The following MBNL3 variants were observed in gnomAD, a reference collection of about 807,000 sequenced individuals.
The protein encoded by MBNL3 is muscleblind like splicing regulator 3.
Under a neutral mutation model 24.5 loss-of-function variants are expected in MBNL3, and 6 were observed. The ratio of observed to expected loss-of-function variants is 0.25; its 90% CI spans 0.13 to 0.48. MBNL3 has a LOEUF of 0.48. MBNL3 is among the 20% of genes least tolerant of loss of function. MBNL3 has a pLI of 0.99. For missense variants in MBNL3, 230 were observed against 293.5 expected (o/e 0.78, Z 1.58); for synonymous variants, 100 against 101.7 (o/e 0.98, Z 0.10).
intron 3 of MBNL3, among the ~76,000 whole-genome samples, chrX:132,393,054 G>A (rs781561092): frequency 9.0e-6 from 1 of 111,079 alleles, no homozygotes; most frequent in Non-Finnish European, 1.9e-5. Context: ...TTTTGATACA[G>A]GCATACTGTG....
intron 2 of MBNL3, among the ~76,000 whole-genome samples, chrX:132,415,272 T>C (rs1316811019): frequency 8.9e-6 from 1 of 112,217 alleles, no homozygotes; most frequent in Non-Finnish European, 1.9e-5. Flanking sequence ...CCTTAAACCT[T>C]GGGGTTTCCA....
chrX:132,419,334 G>C (rs146495349), intron 2 of MBNL3, among the ~76,000 whole-genome samples: 16 of 111,568 alleles, frequency 1.4e-4, no homozygotes, highest in African/African-American at 5.2e-4. Context: ...CTCAACAAAA[G>C]AGGTGGTCTG....
intron 1 of MBNL3, among the ~76,000 whole-genome samples, chrX:132,456,945 C>T (rs758131219): frequency 1.4e-4 from 16 of 111,638 alleles, no homozygotes; most frequent in Admixed American, 1.4e-3. Context: ...ATCTGGCAAC[C>T]AGCTGGCAGA....
Position 132,379,370 on chromosome X carries a change from A to C in MBNL3, c.*296T>G. The C allele has an allele frequency of 1.2e-5, 3 of 249,250 alleles. No homozygotes were observed. Among genetic ancestry groups the C allele is most frequent in the Non-Finnish European group, 2.2e-5 (3 of 138,240 alleles). 20.5% of individuals were successfully genotyped at this position (249,250 alleles called of 1,213,427 possible). On this transcript the variant is annotated 3_prime_UTR_variant, in exon 9 of 9. Transcript: ENST00000370853. The stretch of plus-strand genomic sequence containing the variant: ...AAATACACTTAGCATGGTTATTAGA[A>C]AATCACAAAGAGTAATGTAACAAGT...
intron 1 of MBNL3, among the ~76,000 whole-genome samples, chrX:132,480,619 C>T (rs1947679849): frequency 1.8e-5 from 2 of 111,740 alleles, no homozygotes; most frequent in Non-Finnish European, 3.8e-5. Context: ...GATGAGGAGG[C>T]ACCACATCCA....
chrX:132,458,412 T>G (rs1280312225), intron 1 of MBNL3, among the ~76,000 whole-genome samples: 2 of 110,538 alleles, frequency 1.8e-5, no homozygotes, highest in African/African-American at 6.6e-5. Flanking sequence ...TAAAGGAATA[T>G]CTGAGACTGG....
intron 1 of MBNL3, among the ~76,000 whole-genome samples, chrX:132,483,997 T>A (rs1947877130): frequency 8.9e-6 from 1 of 112,049 alleles, no homozygotes; most frequent in South Asian, 3.7e-4. Flanking sequence ...TTTTTTAAAT[T>A]TTTAATCTGG....
intron 7 of MBNL3, among the ~76,000 whole-genome samples, chrX:132,382,919 G>A (rs1004196157): frequency 8.9e-6 from 1 of 112,023 alleles, no homozygotes; most frequent in African/African-American, 3.2e-5. Flanking sequence ...GGGAAACTTT[G>A]GCCATTTATC....
intron 3 of MBNL3, among the ~76,000 whole-genome samples, chrX:132,396,200 G>C (rs777369755): frequency 8.5e-4 from 90 of 105,614 alleles, no homozygotes; most frequent in African/African-American, 3.0e-3. Context: ...TTTGCATCTT[G>C]AACCTCACAG....
intron 1 of MBNL3, among the ~76,000 whole-genome samples, chrX:132,484,933 G>GCACACACA (rs3044539): frequency 1.1e-4 from 11 of 102,591 alleles, no homozygotes; most frequent in Non-Finnish European, 4.0e-5. Context: ...ATACACACGC[G>GCACACACA]CACACACACA....
At chrX:132,434,461 T>C (rs1226659592) in intron 2 of MBNL3, among the ~76,000 whole-genome samples, 1 of 112,340 alleles carries the variant, frequency 8.9e-6, no homozygotes, top group Non-Finnish European at 1.9e-5. Context: ...GGGACATAGT[T>C]ATCAGTTTTT....
At chrX:132,425,490 C>A (rs1426693350) in intron 2 of MBNL3, among the ~76,000 whole-genome samples, 1 of 111,617 alleles carries the variant, frequency 9.0e-6, no homozygotes, top group Non-Finnish European at 1.9e-5. Context: ...TATTATATTT[C>A]TTTGTCTTTC....
At position 132,371,312 on chromosome X, in the gene MBNL3, T is replaced by C. The variant is rs1171385186; in HGVS notation, c.*8354A>G. Reference sequence around the variant, plus strand: ...CTGATCTAAACTCTCTTCACCGCAGTTTTCTATCAGCCCAACTCCAGAACA... The same window carrying C: ...CTGATCTAAACTCTCTTCACCGCAGCTTTCTATCAGCCCAACTCCAGAACA... On this transcript the variant is annotated 3_prime_UTR_variant, in exon 9 of 9. Transcript: ENST00000370853. The C allele has an allele frequency of 4.5e-5, 5 of 111,975 alleles. No individual in the cohort carries two copies. Among genetic ancestry groups the C allele is most frequent in the African/African-American group, 1.6e-4 (5 of 30,843 alleles). 9.2% of individuals were successfully genotyped at this position (111,975 alleles called of 1,213,427 possible).
intron 2 of MBNL3, among the ~76,000 whole-genome samples, chrX:132,419,844 A>G (rs1943630110): frequency 1.8e-5 from 2 of 112,460 alleles, no homozygotes; most frequent in African/African-American, 6.5e-5. Flanking sequence ...TTCAAATACA[A>G]ATTAATATGT....
At chrX:132,489,852 GCCAAGGGCCGCCCCGGCTCCCGCGC>G (rs1948205025), upstream of MBNL3, 1 of 111,207 alleles carries the variant, frequency 9.0e-6, no homozygotes, top group Non-Finnish European at 1.9e-5. Context: ...CGGGAATGCG[GCCAAGGGCCGCCCCGGCTCCCGCGC>G]CCACCCCGGA....
At chrX:132,413,631 A>G (rs907365817) in intron 2 of MBNL3, 33 of 1,057,652 alleles carry the variant, frequency 3.1e-5, no homozygotes, top group Non-Finnish European at 3.9e-5. Flanking sequence ...GGAGACAGCA[A>G]TTTTTGATCC....
rs981789722 is a variant in MBNL3, at chrX:132,381,257, C to T, written c.1053+921G>A. On this transcript the variant is annotated intron_variant, in intron 8 of 8. Coordinates refer to ENST00000370853, the MANE Select transcript of MBNL3 (RefSeq NM_001386889.1). ...TCAAGCTCTACATCACAAGCAATGTCTATGAATGAAAATATTTACGAAAGC... is the reference window on the plus strand; with the variant it reads ...TCAAGCTCTACATCACAAGCAATGTTTATGAATGAAAATATTTACGAAAGC... 13 of 463,587 alleles carry T rather than the reference C, an allele frequency of 2.8e-5. No individual in the cohort carries two copies. The African/African-American group carries it at 3.3e-4, about 12-fold the overall frequency. 38.2% of individuals were successfully genotyped at this position (463,587 alleles called of 1,213,427 possible). A position where few individuals can be genotyped will look rare whatever the true frequency, so the allele number is the denominator to read the frequency against.
chrX:132,470,133 C>T (rs1947101480), intron 1 of MBNL3, among the ~76,000 whole-genome samples: 1 of 111,589 alleles, frequency 9.0e-6, no homozygotes, highest in African/African-American at 3.3e-5. Flanking sequence ...GGGCTATTTC[C>T]ACTTTTTGGC....
At chrX:132,453,032 G>C (rs1219958384) in intron 1 of MBNL3, among the ~76,000 whole-genome samples, 1 of 111,882 alleles carries the variant, frequency 8.9e-6, no homozygotes, top group East Asian at 2.8e-4. Context: ...TAGTATTTCT[G>C]AAAAGGGAAG....
Sources: allele counts gnomAD v4.1 joint callset (sites outside exome capture counted in the v4.1 genomes callset), GRCh38; gene constraint gnomAD v4.1.1; transcripts MANE v1.5; gene names NCBI Gene and HGNC (gene_info 2026-07-23, HGNC 2026-07-21).